Variants in TNFAIP8 observed in about 807,000 individuals in gnomAD.
The protein encoded by TNFAIP8 is TNF alpha induced protein 8.
A neutral mutation model predicts 13.3 loss-of-function variants in TNFAIP8; 7 were observed. The observed-to-expected ratio is 0.52, with a 90% CI of 0.30 to 0.99. The LOEUF (loss-of-function observed/expected upper bound fraction) is 0.99, where lower values mean the gene tolerates loss of function less well. Among genes scored for constraint, TNFAIP8 ranks in the 50% least tolerant of loss-of-function variants. The pLI, the probability that TNFAIP8 is intolerant of heterozygous loss-of-function variation, is 0.07. For synonymous variants in TNFAIP8, 94 were observed against 87.6 expected (o/e 1.07, Z -0.41); for missense variants, 258 against 236.9 (o/e 1.09, Z -0.58).
chr5:119,347,440 T>C (rs541983615), intron 1 of TNFAIP8, among the ~76,000 whole-genome samples: 128 of 152,282 alleles, frequency 8.4e-4, no homozygotes, highest in African/African-American at 3.0e-3. Context: ...ATTGAAAAGG[T>C]TGGTGAATTT....
rs762315265 is a variant in TNFAIP8, at chr5:119,392,995, A to G, written c.211A>G (p.Ile71Val). The G allele has an allele frequency of 5.6e-6, 9 of 1,613,048 alleles. 1 individual carries two copies. In the South Asian group the frequency reaches 7.7e-5, roughly 14 times the overall value. The part of the protein sequence containing the change: ...YTQNKKEAEK[I>V]IKNLIKTVIK... The stretch of plus-strand genomic sequence containing the variant: ...CCAAAACAAGAAGGAGGCAGAGAAG[A>G]TCATCAAGAACCTCATCAAGACAGT... The change falls in exon 2 of 2, where the codon ATC (isoleucine) becomes GTC (valine). Residue 71 changes from isoleucine to valine, a missense_variant. Transcript: ENST00000504771.
chr5:119,333,022 G>GT (rs1458895536), intron 1 of TNFAIP8, among the ~76,000 whole-genome samples: 1 of 149,776 alleles, frequency 6.7e-6, no homozygotes, highest in East Asian at 2.0e-4. Context: ...AGACGTTCAT[G>GT]TTTATACAGG....
At chr5:119,338,148 T>C (rs1281927151) in intron 1 of TNFAIP8, among the ~76,000 whole-genome samples, 1 of 146,562 alleles carries the variant, frequency 6.8e-6, no homozygotes, top group Non-Finnish European at 1.5e-5. Context: ...TTATTCCAGA[T>C]TGGAATCTGG....
chr5:119,297,263 A>G (rs997294437), intron 1 of TNFAIP8, among the ~76,000 whole-genome samples: 1 of 151,876 alleles, frequency 6.6e-6, no homozygotes, highest in African/African-American at 2.4e-5. Context: ...ATTTCCCTCT[A>G]CACACTGCTT....
At chr5:119,306,318 C>CTTTCTT (rs1561993322) in intron 1 of TNFAIP8, 1 of 121,758 alleles carries the variant, frequency 8.2e-6, no homozygotes, top group African/African-American at 4.2e-5. Flanking sequence ...TTCTTTCTTT[C>CTTTCTT]TTTTTCTTTT....
intron 1 of TNFAIP8, among the ~76,000 whole-genome samples, chr5:119,290,238 A>G (rs1014049062): frequency 3.3e-5 from 5 of 151,884 alleles, no homozygotes; most frequent in African/African-American, 1.2e-4. Flanking sequence ...ATGGTTACAT[A>G]CACTTTCTGT....
At chr5:119,390,149 T>TGTA (rs1292588428) in intron 1 of TNFAIP8, among the ~76,000 whole-genome samples, 1 of 152,202 alleles carries the variant, frequency 6.6e-6, no homozygotes, top group Non-Finnish European at 1.5e-5. Flanking sequence ...CTGATAGACT[T>TGTA]GTAGTAAATC....
chr5:119,369,451 C>T (rs1346221313), intron 1 of TNFAIP8, among the ~76,000 whole-genome samples: 1 of 152,200 alleles, frequency 6.6e-6, no homozygotes, highest in Non-Finnish European at 1.5e-5. Flanking sequence ...GGCTGGTAAG[C>T]GTCTTCTAGT....
At chr5:119,328,893 T>G (rs1750297444) in intron 1 of TNFAIP8, among the ~76,000 whole-genome samples, 1 of 152,254 alleles carries the variant, frequency 6.6e-6, no homozygotes, top group African/African-American at 2.4e-5. Flanking sequence ...GGCCTCTGTT[T>G]ATATTCAGTT....
intron 1 of TNFAIP8, among the ~76,000 whole-genome samples, chr5:119,300,617 T>G (rs1376296338): frequency 6.6e-6 from 1 of 152,190 alleles, no homozygotes; most frequent in Non-Finnish European, 1.5e-5. Flanking sequence ...GTCTCATAAT[T>G]AACATTCTTA....
At chr5:119,386,234 A>G (rs888188849) in intron 1 of TNFAIP8, among the ~76,000 whole-genome samples, 1 of 152,252 alleles carries the variant, frequency 6.6e-6, no homozygotes, top group Non-Finnish European at 1.5e-5. Context: ...CAAATTGCAC[A>G]TATTGAAGAT....
chr5:119,298,711 A>T (rs1010513832), intron 1 of TNFAIP8, among the ~76,000 whole-genome samples: 7 of 152,058 alleles, frequency 4.6e-5, no homozygotes, highest in Admixed American at 3.9e-4. Flanking sequence ...TTTTCCAACT[A>T]GGTTCCATTC....
intron 1 of TNFAIP8, among the ~76,000 whole-genome samples, chr5:119,298,842 T>G (rs946422850): frequency 2.0e-5 from 3 of 152,218 alleles, no homozygotes; most frequent in African/African-American, 4.8e-5. Context: ...CCCTTCTCAC[T>G]TCATTTCATT....
At chr5:119,375,642 C>G (rs1249500687) in intron 1 of TNFAIP8, among the ~76,000 whole-genome samples, 1 of 152,070 alleles carries the variant, frequency 6.6e-6, no homozygotes, top group Non-Finnish European at 1.5e-5. Context: ...TTTAATATAG[C>G]AAGTATATGT....
intron 1 of TNFAIP8, among the ~76,000 whole-genome samples, chr5:119,307,487 G>A (rs1749601156): frequency 6.6e-6 from 1 of 152,166 alleles, no homozygotes; most frequent in African/African-American, 2.4e-5. Flanking sequence ...ACACACAAAT[G>A]AGCAGCTTCT....
chr5:119,286,807 A>G lies in TNFAIP8; in HGVS notation c.1+17900A>G, dbSNP rs543271162. Among the ~76,000 whole-genome samples the G allele has an allele frequency of 7.2e-5, 11 of 152,256 alleles. No individual in the cohort carries two copies. In the South Asian group the frequency reaches 2.1e-3, roughly 29 times the overall value. On this transcript the variant is annotated intron_variant, in intron 1 of 1. Transcript: ENST00000274456. Reference sequence around the variant, plus strand: ...TGTGAAACTGTATGCAACTTCCTCTAGCCTCAGTCTTCCCACTTACAAGAC... The same window carrying G: ...TGTGAAACTGTATGCAACTTCCTCTGGCCTCAGTCTTCCCACTTACAAGAC...
At chr5:119,313,207 A>C (rs1348303365) in intron 1 of TNFAIP8, among the ~76,000 whole-genome samples, 2 of 152,238 alleles carry the variant, frequency 1.3e-5, no homozygotes, top group Admixed American at 6.5e-5. Context: ...GTTCAAAGCC[A>C]AGAATCTATA....
intron 1 of TNFAIP8, among the ~76,000 whole-genome samples, chr5:119,382,539 T>C (rs1752524818): frequency 6.6e-6 from 1 of 152,220 alleles, no homozygotes; most frequent in African/African-American, 2.4e-5. Context: ...GCAGAACGTT[T>C]ACAGTATCTA....
At chr5:119,342,742 C>T (rs1750781429) in intron 1 of TNFAIP8, among the ~76,000 whole-genome samples, 1 of 152,214 alleles carries the variant, frequency 6.6e-6, no homozygotes, top group South Asian at 2.1e-4. Flanking sequence ...TCAGCCTTCA[C>T]TTCTGACTGG....
Sources: gnomAD v4.1 joint callset for allele counts (sites outside exome capture counted in the v4.1 genomes callset) on GRCh38, gnomAD v4.1.1 for gene constraint, MANE v1.5 for transcripts, NCBI Gene and HGNC (gene_info 2026-07-23, HGNC 2026-07-21) for gene names.